The following PREX1 variants were observed in gnomAD, a reference collection of about 807,000 sequenced individuals.
PREX1 encodes phosphatidylinositol-3,4,5-trisphosphate dependent Rac exchange factor 1.
Under a neutral mutation model 198.3 loss-of-function variants are expected in PREX1, and 41 were observed. The ratio of observed to expected loss-of-function variants is 0.21; its 90% CI spans 0.16 to 0.27. PREX1 has a LOEUF of 0.27. Among genes scored for constraint, PREX1 ranks in the 10% least tolerant of loss-of-function variants. The pLI, the probability that PREX1 is intolerant of heterozygous loss-of-function variation, is 1.00. For missense variants in PREX1, 1,620 were observed against 2,200.7 expected (o/e 0.74, Z 5.28); for synonymous variants, 843 against 887.2 (o/e 0.95, Z 0.89).
chr20:48,741,455 G>T (rs2090081400), intron 3 of PREX1, among the ~76,000 whole-genome samples: 1 of 152,078 alleles, frequency 6.6e-6, no homozygotes, highest in South Asian at 2.1e-4. Context: ...AACCTCTTGG[G>T]CTCAAGCAAT....
At position 48,734,638 on chromosome 20, in the gene PREX1, A is replaced by G; in HGVS notation, c.427T>C (p.Cys143Arg). 1 of 1,614,036 alleles carries G rather than the reference A, an allele frequency of 6.2e-7. No homozygotes were observed. Among genetic ancestry groups the G allele is most frequent in the Non-Finnish European group, 8.5e-7 (1 of 1,179,896 alleles). ...NVFLKFKDKF[C>R]VYEEYCSNHE... ...TTGCTGCAATACTCCTCGTACACGC[A>G]GAACTTGTCCTTCTGCAAGACAAGG... Residue 143 changes from cysteine to arginine, a missense_variant, in exon 4 of 40, where the codon TGC becomes CGC. Around this residue, in one of 7 missense-constraint regions of PREX1, gnomAD observed 488 missense variants for 802.5 expected, o/e 0.61. Coordinates refer to ENST00000371941, the MANE Select transcript of PREX1 (RefSeq NM_020820.4).
intron 5 of PREX1, among the ~76,000 whole-genome samples, chr20:48,722,203 A>G (rs887623917): frequency 6.6e-6 from 1 of 152,178 alleles, no homozygotes; most frequent in Non-Finnish European, 1.5e-5. Context: ...AGTGGAAACG[A>G]CCCAAATGTC....
chr20:48,688,643 G>C lies in PREX1; in HGVS notation c.1334+14C>G. 6.2e-7 allele frequency: 1 copy of C among 1,614,070 alleles called. No individual in the cohort carries two copies. The highest frequency in any genetic ancestry group is 8.5e-7 in the Non-Finnish European group (1 of 1,179,960). The stretch of plus-strand genomic sequence containing the variant: ...AGCCCAGGGACCCAGGGAGTTCAGA[G>C]TGAGGCTACTCACTTGCCAAGAAAG... On this transcript the variant is annotated intron_variant, in intron 10 of 39. Coordinates refer to ENST00000371941, the MANE Select transcript of PREX1 (RefSeq NM_020820.4).
chr20:48,718,570 G>A (rs2089972283), intron 5 of PREX1, among the ~76,000 whole-genome samples: 1 of 152,060 alleles, frequency 6.6e-6, no homozygotes, highest in African/African-American at 2.4e-5. Context: ...AATATAAGTG[G>A]ACGAAACGCT....
chr20:48,638,814 A>G (rs1176163676), intron 30 of PREX1, among the ~76,000 whole-genome samples: 2 of 152,232 alleles, frequency 1.3e-5, no homozygotes, highest in Non-Finnish European at 2.9e-5. Context: ...CATTTGACAC[A>G]GGAAGAAGCT....
At chr20:48,699,134 C>T (rs2089861971) in intron 7 of PREX1, among the ~76,000 whole-genome samples, 1 of 152,158 alleles carries the variant, frequency 6.6e-6, no homozygotes, top group African/African-American at 2.4e-5. Context: ...GGTAAGGTTT[C>T]TCACCACACC....
intron 3 of PREX1, among the ~76,000 whole-genome samples, chr20:48,740,135 G>A (rs551923696): frequency 1.3e-5 from 2 of 152,252 alleles, no homozygotes; most frequent in Admixed American, 6.5e-5. Flanking sequence ...CTCTGTTCCC[G>A]ATTAGCATCT....
the PREX1 span, among the ~76,000 whole-genome samples, chr20:48,874,784 G>A: frequency 6.6e-6 from 1 of 151,914 alleles, no homozygotes; most frequent in Admixed American, 6.6e-5. Flanking sequence ...GGCTGAGGCA[G>A]GAGGATCACT....
the PREX1 span, among the ~76,000 whole-genome samples, chr20:48,860,129 G>T: frequency 4.6e-5 from 7 of 152,238 alleles, no homozygotes; most frequent in Non-Finnish European, 8.8e-5. Flanking sequence ...CAATGCAAGT[G>T]TCCAACCACA....
the PREX1 span, among the ~76,000 whole-genome samples, chr20:48,867,632 ACTTGAGAGGCTGAGGCAGGAGAATCG>A: frequency 1.3e-4 from 20 of 151,844 alleles, no homozygotes; most frequent in Admixed American, 2.0e-4. Flanking sequence ...AATCCCAGTT[ACTTGAGAGGCTGAGGCAGGAGAATCG>A]CTTGAGAGGC....
intron 1 of PREX1, among the ~76,000 whole-genome samples, chr20:48,786,859 GAA>G (rs1290985514): frequency 6.6e-6 from 1 of 151,218 alleles, no homozygotes; most frequent in African/African-American, 2.4e-5. Context: ...GAGAGAAAGA[GAA>G]AGAGAGAGGA....
chr20:48,761,267 C>T (rs1239278029), intron 1 of PREX1, among the ~76,000 whole-genome samples: 4 of 152,200 alleles, frequency 2.6e-5, no homozygotes, highest in Admixed American at 6.5e-5. Context: ...CCTCACAGCA[C>T]CTGTCACCAT....
At chr20:48,735,326 A>G (rs1026106827) in intron 3 of PREX1, among the ~76,000 whole-genome samples, 2 of 152,268 alleles carry the variant, frequency 1.3e-5, no homozygotes, top group Non-Finnish European at 2.9e-5. Context: ...GGGGGTGTGC[A>G]AGAGACCCGA....
chr20:48,767,077 G>T (rs1416018061), intron 1 of PREX1, among the ~76,000 whole-genome samples: 2 of 152,170 alleles, frequency 1.3e-5, no homozygotes, highest in African/African-American at 4.8e-5. Context: ...ACTCGCTGTG[G>T]GACCCTGAGA....
chr20:48,773,615 G>A (rs903503118), intron 1 of PREX1, among the ~76,000 whole-genome samples: 4 of 152,244 alleles, frequency 2.6e-5, no homozygotes, highest in Non-Finnish European at 4.4e-5. Flanking sequence ...ACCACCTGCA[G>A]AGGAACTGAG....
At chr20:48,789,166 C>A (rs1442512261) in intron 1 of PREX1, among the ~76,000 whole-genome samples, 2 of 152,208 alleles carry the variant, frequency 1.3e-5, no homozygotes, top group Non-Finnish European at 2.9e-5. Flanking sequence ...TCGGCCATGT[C>A]TACCCCTTCC....
chr20:48,653,317 C>T (rs955770424), intron 20 of PREX1, 44 bp downstream of exon 20: 5 of 1,598,542 alleles, frequency 3.1e-6, no homozygotes, highest in Non-Finnish European at 4.3e-6. Flanking sequence ...CCCACCCCCA[C>T]TCAGCAGGAC....
Position 48,651,522 on chromosome 20 carries a change from G to A in PREX1, c.2529C>T (p.Thr843=), listed in dbSNP as rs767730834. 1 of 1,614,094 alleles carries A rather than the reference G, an allele frequency of 6.2e-7. No homozygotes were observed. The highest frequency in any genetic ancestry group is 8.5e-7 in the Non-Finnish European group (1 of 1,180,034). ...LSLCEDSPMV[T]LTVDNVHLEH... is the part of the protein sequence containing the mutation. ...CCAGGTGCACGTTGTCCACAGTCAG[G>A]GTGACCATGGGGCTGTCCTCACACA... is the stretch of plus-strand genomic sequence containing the variant. The change falls in exon 22 of 40, where the codon ACC becomes ACT. Residue 843 remains threonine (T), a synonymous_variant. Coordinates refer to ENST00000371941, the MANE Select transcript of PREX1 (RefSeq NM_020820.4).
the PREX1 span, among the ~76,000 whole-genome samples, chr20:48,863,744 C>T: frequency 3.3e-5 from 5 of 151,906 alleles, no homozygotes; most frequent in Non-Finnish European, 4.4e-5. Flanking sequence ...CACACCACCA[C>T]GCCTGGCTAA....
Sources: gnomAD v4.1 joint callset for allele counts (sites outside exome capture counted in the v4.1 genomes callset) on GRCh38, gnomAD v4.1.1 for gene constraint, gnomAD v4.1.1 regional missense constraint, MANE v1.5 for transcripts, NCBI Gene and HGNC (gene_info 2026-07-23, HGNC 2026-07-21) for gene names.